The following OSMR variants were observed in gnomAD, a reference collection of about 807,000 sequenced individuals.
OSMR encodes the protein oncostatin M receptor.
OSMR carries 81 observed loss-of-function variants against 99.9 expected under a neutral mutation model. The observed-to-expected ratio is 0.81, with a 90% CI of 0.68 to 0.97. OSMR has a LOEUF of 0.97. Ranked by LOEUF, OSMR falls within the 50% of genes least tolerant of loss-of-function variation. OSMR has a pLI of 0.00. For synonymous variants in OSMR, 406 were observed against 410.4 expected (o/e 0.99, Z 0.13); for missense variants, 1,099 against 1,153.4 (o/e 0.95, Z 0.68).
At position 38,866,029 on chromosome 5, in the gene OSMR, T is replaced by C. The variant is rs78158787; in HGVS notation, c.-13-3003T>C. On this transcript the variant is annotated intron_variant, in intron 1 of 17. Transcript: ENST00000274276. The stretch of plus-strand genomic sequence containing the variant: ...TGCTGGTGGTGTTAGACTGGGCATG[T>C]TAATCACCAGGCTCCTGGATGATGT... 8.7e-3 allele frequency among the ~76,000 whole-genome samples: 1,329 copies of C among 152,180 alleles called. 132 individuals carry two copies. The East Asian group carries it at 0.23, about 26-fold the overall frequency.
intron 9 of OSMR, among the ~76,000 whole-genome samples, chr5:38,914,556 C>A (rs554144693): frequency 6.6e-6 from 1 of 152,330 alleles, no homozygotes; most frequent in East Asian, 1.9e-4. Context: ...CGCATATGTT[C>A]ATCACAGCAC....
chr5:38,863,173 C>G (rs1310288508), intron 1 of OSMR, among the ~76,000 whole-genome samples: 2 of 57,818 alleles, frequency 3.5e-5, no homozygotes, highest in Non-Finnish European at 6.4e-5. Context: ...AGAGGGAGAC[C>G]GTGGGGAGAG....
At chr5:38,864,839 C>T (rs1408554983) in intron 1 of OSMR, among the ~76,000 whole-genome samples, 1 of 152,074 alleles carries the variant, frequency 6.6e-6, no homozygotes, top group Non-Finnish European at 1.5e-5. Flanking sequence ...TGTCATTGCC[C>T]ATGTCTTTTC....
chr5:38,908,456 G>A (rs531182419), intron 9 of OSMR, among the ~76,000 whole-genome samples: 1 of 152,342 alleles, frequency 6.6e-6, no homozygotes, highest in South Asian at 2.1e-4. Flanking sequence ...ATGTGAGTGA[G>A]CATGGACCCT....
At chr5:38,939,869 T>C (rs567326492), downstream of OSMR, 7 of 225,152 alleles carry the variant, frequency 3.1e-5, no homozygotes, top group East Asian at 4.6e-4. Context: ...TATAATTTAA[T>C]ATTTTTAAAC....
At chr5:38,924,749 G>A (rs776533672) in intron 14 of OSMR, among the ~76,000 whole-genome samples, 154 bp downstream of exon 14, 1 of 152,114 alleles carries the variant, frequency 6.6e-6, no homozygotes, top group Non-Finnish European at 1.5e-5. Context: ...AAATTAGTAG[G>A]GTGAGCAAGA....
At chr5:38,860,772 A>G (rs1000615938) in intron 1 of OSMR, among the ~76,000 whole-genome samples, 2 of 152,176 alleles carry the variant, frequency 1.3e-5, no homozygotes, top group Non-Finnish European at 2.9e-5. Context: ...TCCTGGGTTC[A>G]AGTGATTCTA....
intron 9 of OSMR, among the ~76,000 whole-genome samples, chr5:38,910,823 AT>A (rs1332399654): frequency 6.6e-6 from 1 of 152,196 alleles, no homozygotes. Flanking sequence ...AGCTTGGCCA[AT>A]ATGGTGAAAC....
Position 38,885,437 on chromosome 5 carries a change from C to T in OSMR, c.792C>T (p.Ala264=), listed in dbSNP as rs370425571. The change falls in exon 6 of 18, where the codon GCC becomes GCT. Residue 264 remains alanine (A), a synonymous_variant. Coordinates refer to ENST00000274276, the MANE Select transcript of OSMR (RefSeq NM_003999.3). ...HCTWDPGTDT[A]LGWSKQPSQS... Reference sequence around the variant, plus strand: ...CTTGGGATCCTGGGACGGACACTGCCTTGGGGTGGTCTAAACAACCTTCCC... The same window carrying T: ...CTTGGGATCCTGGGACGGACACTGCTTTGGGGTGGTCTAAACAACCTTCCC... 5.0e-6 allele frequency: 8 copies of T among 1,614,022 alleles called. No homozygotes were observed. Among genetic ancestry groups the T allele is most frequent in the African/African-American group, 4.0e-5 (3 of 75,050 alleles).
intron 3 of OSMR, among the ~76,000 whole-genome samples, chr5:38,877,523 G>C (rs1742931268): frequency 6.6e-6 from 1 of 152,130 alleles, no homozygotes; most frequent in Non-Finnish European, 1.5e-5. Flanking sequence ...TTTACTCCCT[G>C]CTATCAACAC....
intron 1 of OSMR, chr5:38,942,288 C>T: frequency 1.3e-6 from 2 of 1,490,386 alleles, no homozygotes; most frequent in Non-Finnish European, 1.9e-6. Flanking sequence ...TATCTATATC[C>T]ATCATAAATA....
downstream of OSMR, chr5:38,939,909 A>AT (rs1383327275): frequency 4.4e-6 from 1 of 227,572 alleles, no homozygotes; most frequent in Non-Finnish European, 8.7e-6. Context: ...CACTGCATGT[A>AT]TTTTTCACCA....
intron 9 of OSMR, among the ~76,000 whole-genome samples, chr5:38,909,961 G>A (rs1200389920): frequency 1.3e-5 from 2 of 152,198 alleles, no homozygotes; most frequent in Non-Finnish European, 2.9e-5. Context: ...AGATCCAACT[G>A]TATGCTGTCT....
chr5:38,931,541 C>T (rs1746751476), intron 15 of OSMR, among the ~76,000 whole-genome samples: 1 of 152,196 alleles, frequency 6.6e-6, no homozygotes, highest in South Asian at 2.1e-4. Context: ...GGCTGAGCCC[C>T]AAGTCAAGGG....
At chr5:38,928,084 A>G (rs1219929965) in intron 15 of OSMR, among the ~76,000 whole-genome samples, 1 of 152,186 alleles carries the variant, frequency 6.6e-6, no homozygotes, top group African/African-American at 2.4e-5. Context: ...TTCATTGTTC[A>G]TATCACTATC....
chr5:38,924,324 C>T (rs534576997), intron 13 of OSMR, 98 bp from the exon 14 acceptor site: 121 of 1,587,104 alleles, frequency 7.6e-5, no homozygotes, highest in Admixed American at 1.8e-4. Flanking sequence ...GCTGTTACAA[C>T]CTCCAGAGCT....
In OSMR at chr5:38,934,931, G is replaced by T. The variant is rs1485889936; in HGVS notation, c.*1487G>T. On this transcript the variant is annotated 3_prime_UTR_variant, in exon 18 of 18. Coordinates refer to ENST00000274276, the MANE Select transcript of OSMR (RefSeq NM_003999.3). Reference sequence around the variant, plus strand: ...GCTCACTGCAACCTCCGCCTCCCAGGGTCAAGCAATTCTCCTGCCTCAGCC... The same window carrying T: ...GCTCACTGCAACCTCCGCCTCCCAGTGTCAAGCAATTCTCCTGCCTCAGCC... 2 of 152,232 alleles carry T rather than the reference G, an allele frequency of 1.3e-5. No individual in the cohort carries two copies. Among genetic ancestry groups the T allele is most frequent in the African/African-American group, 2.4e-5 (1 of 41,380 alleles). 9.4% of individuals were successfully genotyped at this position (152,232 alleles called of 1,614,324 possible). A position where few individuals can be genotyped will look rare whatever the true frequency, so the allele number is the denominator to read the frequency against.
chr5:38,941,979 C>T, intron 1 of OSMR: 1 of 254,268 alleles, frequency 3.9e-6, no homozygotes, highest in Non-Finnish European at 7.5e-6. Context: ...TATTGTTCCA[C>T]TGTCATTATG....
rs868142885 is a variant in OSMR, at chr5:38,885,546, A to G, written c.839+62A>G. On this transcript the variant is annotated intron_variant, in intron 6 of 17. Coordinates refer to ENST00000274276, the MANE Select transcript of OSMR (RefSeq NM_003999.3). Reference sequence around the variant, plus strand: ...CCTTGCTTGAGGTGCTTGTGACAACATGGCAAAAATCTACACTTAGATGTT... The same window carrying G: ...CCTTGCTTGAGGTGCTTGTGACAACGTGGCAAAAATCTACACTTAGATGTT... 41 of 1,596,750 alleles carry G rather than the reference A, an allele frequency of 2.6e-5. No individual in the cohort carries two copies. The Middle Eastern group carries it at 6.6e-4, about 26-fold the overall frequency.
Sources: allele counts gnomAD v4.1 joint callset (sites outside exome capture counted in the v4.1 genomes callset), GRCh38; gene constraint gnomAD v4.1.1; transcripts MANE v1.5; gene names NCBI Gene and HGNC (gene_info 2026-07-23, HGNC 2026-07-21).